The following RTN4 variants were observed in gnomAD, a reference collection of about 807,000 sequenced individuals.
RTN4 encodes the protein reticulon-4.
In RTN4, 32 loss-of-function variants were observed where a neutral mutation model predicts 90.4. The ratio of observed to expected loss-of-function variants is 0.35; its 90% CI spans 0.27 to 0.48. The LOEUF is 0.48. Among genes scored for constraint, RTN4 ranks in the 20% least tolerant of loss-of-function variants. RTN4 has a pLI of 0.99. For synonymous variants in RTN4, 629 were observed against 552.5 expected (o/e 1.14, Z -1.94); for missense variants, 1,706 against 1,430.2 (o/e 1.19, Z -3.11).
chr2:55,042,938 G>T (rs1159820915), intron 1 of RTN4, among the ~76,000 whole-genome samples: 1 of 152,094 alleles, frequency 6.6e-6, no homozygotes, highest in Non-Finnish European at 1.5e-5. Flanking sequence ...GAAGAGGTAA[G>T]AACAGAATAT....
intron 2 of RTN4, among the ~76,000 whole-genome samples, chr2:55,079,304 C>T (rs1668660395): frequency 6.6e-6 from 1 of 152,196 alleles, no homozygotes; most frequent in East Asian, 1.9e-4. Context: ...GGTTAACTCA[C>T]CGTGAAGGAA....
chr2:54,988,217 T>C (rs1678726044), intron 3 of RTN4, among the ~76,000 whole-genome samples: 1 of 152,120 alleles, frequency 6.6e-6, no homozygotes, highest in African/African-American at 2.4e-5. Flanking sequence ...CTCGGGAGGC[T>C]GAGGCAAGAG....
chr2:55,027,499 C>A lies in RTN4; in HGVS notation c.614-14G>T. ...AGTCCATATTTTCTGTGACCATGGA[C>A]AGAAAGGAAAGTTAGAGAATGCCAG... On this transcript the variant is annotated splice_polypyrimidine_tract_variant and intron_variant, in intron 2 of 8. Transcript: ENST00000337526. The A allele has an allele frequency of 6.3e-7, 1 of 1,578,450 alleles. No homozygotes were observed. Among genetic ancestry groups the A allele is most frequent in the Admixed American group, 1.9e-5 (1 of 52,700 alleles).
chr2:55,049,615 A>G (rs1360628914), intron 1 of RTN4, 130 bp downstream of exon 1: 10 of 1,435,988 alleles, frequency 7.0e-6, no homozygotes, highest in Non-Finnish European at 9.6e-6. Context: ...ACGGGGCGCC[A>G]TCGCCCCGAA....
At chr2:54,981,026 C>A (rs139951943) in intron 5 of RTN4, among the ~76,000 whole-genome samples, 165 of 152,314 alleles carry the variant, frequency 1.1e-3, no homozygotes, top group African/African-American at 3.8e-3. Flanking sequence ...TTTTTATTTA[C>A]AGACTAACAT....
intron 3 of RTN4, among the ~76,000 whole-genome samples, chr2:54,992,339 A>C (rs1440447295): frequency 6.6e-6 from 1 of 152,204 alleles, no homozygotes; most frequent in Non-Finnish European, 1.5e-5. Context: ...TAGCTGATTA[A>C]AGTGCTTCAA....
intron 1 of RTN4, among the ~76,000 whole-genome samples, chr2:55,031,489 G>A (rs894881747): frequency 6.6e-6 from 1 of 152,178 alleles, no homozygotes; most frequent in Non-Finnish European, 1.5e-5. Flanking sequence ...TGAATACTAC[G>A]CTGCATGTGC....
rs746466926 is a variant in RTN4, at chr2:55,026,765, G to C, written c.1334C>G (p.Thr445Ser). Residue 445 changes from threonine to serine, a missense_variant, in exon 3 of 9, where the codon ACT becomes AGT. Coordinates refer to ENST00000337526, the MANE Select transcript of RTN4 (RefSeq NM_020532.5). The part of the protein sequence containing the change: ...EKDSESSNDD[T>S]SFPSTPEGIK... ...ACCTTCTGGCGTACTGGGGAAAGAA[G>C]TATCATCATTACTACTCTCACTATC... is the stretch of plus-strand genomic sequence containing the variant. The C allele has an allele frequency of 6.2e-7, 1 of 1,613,922 alleles. No homozygotes were observed. Among genetic ancestry groups the C allele is most frequent in the South Asian group, 1.1e-5 (1 of 91,082 alleles).
chr2:55,018,519 C>A (rs1339825470), intron 3 of RTN4, among the ~76,000 whole-genome samples: 1 of 144,822 alleles, frequency 6.9e-6, no homozygotes, highest in Admixed American at 6.7e-5. Flanking sequence ...CAATCCAGAA[C>A]TCTTTTATCA....
At chr2:55,006,323 C>G (rs568468858) in intron 3 of RTN4, among the ~76,000 whole-genome samples, 21 of 152,124 alleles carry the variant, frequency 1.4e-4, no homozygotes, top group Non-Finnish European at 2.8e-4. Context: ...AAAGGAGAGT[C>G]GTTCCAATCA....
intron 3 of RTN4, among the ~76,000 whole-genome samples, chr2:55,004,864 A>G (rs987393878): frequency 9.9e-5 from 15 of 152,160 alleles, no homozygotes; most frequent in Non-Finnish European, 1.8e-4. Context: ...GGGGGGAAAA[A>G]AAAGTACAAA....
At chr2:55,097,709 A>G (rs909304695) in intron 1 of RTN4, among the ~76,000 whole-genome samples, 3 of 152,238 alleles carry the variant, frequency 2.0e-5, no homozygotes, top group South Asian at 2.1e-4. Context: ...GGTTGCTGGG[A>G]AAGATAATGA....
chr2:55,061,314 A>T (rs564897652), intron 2 of RTN4, among the ~76,000 whole-genome samples: 2 of 152,064 alleles, frequency 1.3e-5, no homozygotes, highest in Non-Finnish European at 2.9e-5. Flanking sequence ...TCCACCCACC[A>T]TGGCCTCCCA....
chr2:54,978,501 T>C (rs1468684750), intron 5 of RTN4, among the ~76,000 whole-genome samples: 4 of 151,766 alleles, frequency 2.6e-5, no homozygotes, highest in African/African-American at 9.7e-5. Context: ...AGATATAAAT[T>C]TGAGGGCACA....
intron 2 of RTN4, among the ~76,000 whole-genome samples, chr2:55,065,921 T>C (rs746924581): frequency 6.6e-5 from 10 of 152,196 alleles, no homozygotes; most frequent in Non-Finnish European, 1.3e-4. Flanking sequence ...CACACTCATG[T>C]AGAAGGTAGT....
chr2:54,974,889 G>A (rs1391349349), intron 5 of RTN4, 125 bp from the exon 6 acceptor site: 1 of 718,264 alleles, frequency 1.4e-6, no homozygotes, highest in African/African-American at 1.8e-5. Context: ...ACTGGGTAAA[G>A]TACCATGAGC....
intron 2 of RTN4, among the ~76,000 whole-genome samples, chr2:55,079,351 T>A (rs1668661142): frequency 6.6e-6 from 1 of 152,202 alleles, no homozygotes; most frequent in South Asian, 2.1e-4. Flanking sequence ...AAGGACAGAC[T>A]GGGCTTTGTT....
At chr2:55,064,653 C>T (rs2105008362) in intron 2 of RTN4, among the ~76,000 whole-genome samples, 1 of 152,172 alleles carries the variant, frequency 6.6e-6, no homozygotes, top group Non-Finnish European at 1.5e-5. Flanking sequence ...GCCAGGCCTA[C>T]ACAAACATTC....
rs555511121 is a variant in RTN4 at position 55,067,964 on chromosome 2, A to C, written c.-63+12525T>G. Among the ~76,000 whole-genome samples, 3 of 152,330 alleles carry C rather than the reference A, an allele frequency of 2.0e-5. No homozygotes were observed. The East Asian group carries it at 5.8e-4, about 29-fold the overall frequency. ...AGTAAGAAAAGAAGTATTATTTTAC[A>C]TTTTTGCAAATTTCCTTAAAGTCTA... On this transcript the variant is annotated intron_variant, in intron 2 of 3. Transcript: ENST00000427710.
Sources: gnomAD v4.1 joint callset for allele counts (sites outside exome capture counted in the v4.1 genomes callset) on GRCh38, gnomAD v4.1.1 for gene constraint, MANE v1.5 for transcripts, NCBI Gene and HGNC (gene_info 2026-07-23, HGNC 2026-07-21) for gene names.